The following ARB2A variants were observed in gnomAD, a reference collection of about 807,000 sequenced individuals.
ARB2A encodes cotranscriptional regulator ARB2A.
chr5:93,680,304 A>G, the ARB2A span, among the ~76,000 whole-genome samples: 2 of 152,134 alleles, frequency 1.3e-5, no homozygotes, highest in African/African-American at 4.8e-5. Context: ...AAATCACAAC[A>G]TCTAGTTAAT....
the ARB2A span, among the ~76,000 whole-genome samples, chr5:94,060,155 T>G: frequency 1.3e-5 from 2 of 152,048 alleles, no homozygotes; most frequent in Non-Finnish European, 2.9e-5. Flanking sequence ...GTTAGGAGTT[T>G]GAGACCAGCC....
At chr5:93,662,577 T>C in the ARB2A span, among the ~76,000 whole-genome samples, 3 of 152,332 alleles carry the variant, frequency 2.0e-5, no homozygotes, top group African/African-American at 7.2e-5. Context: ...TATACACACC[T>C]ACACACCTGT....
the ARB2A span, among the ~76,000 whole-genome samples, chr5:94,086,280 A>C: frequency 1.3e-5 from 2 of 152,354 alleles, no homozygotes; most frequent in South Asian, 4.1e-4. Context: ...AAAGAAATAC[A>C]GTCACACAAC....
At chr5:93,710,499 T>C in the ARB2A span, among the ~76,000 whole-genome samples, 17 of 152,310 alleles carry the variant, frequency 1.1e-4, no homozygotes, top group Non-Finnish European at 1.8e-4. Context: ...AAGTGATATT[T>C]GCTAACCATA....
the ARB2A span, among the ~76,000 whole-genome samples, chr5:94,094,454 T>C: frequency 6.6e-6 from 1 of 152,166 alleles, no homozygotes; most frequent in African/African-American, 2.4e-5. Context: ...TGCAATCATA[T>C]TGGGGTTAGG....
chr5:93,787,577 GA>G, the ARB2A span, among the ~76,000 whole-genome samples: 18 of 152,182 alleles, frequency 1.2e-4, no homozygotes, highest in East Asian at 3.3e-3. Context: ...GACAGTTTAA[GA>G]AACCAGTTAA....
chr5:93,743,666 CTTTTTTTT>C, the ARB2A span: 1 of 239,000 alleles, frequency 4.2e-6, no homozygotes, highest in African/African-American at 2.7e-5. Flanking sequence ...CAGCCATTTT[CTTTTTTTT>C]TTTTTTTTTT....
At chr5:93,646,056 T>G in the ARB2A span, among the ~76,000 whole-genome samples, 2 of 152,082 alleles carry the variant, frequency 1.3e-5, no homozygotes, top group East Asian at 1.9e-4. Context: ...GTAAAAAGAG[T>G]ATTCTATAAT....
chr5:94,056,650 G>A, the ARB2A span, among the ~76,000 whole-genome samples: 13 of 152,064 alleles, frequency 8.5e-5, no homozygotes, highest in South Asian at 2.1e-4. Flanking sequence ...CCTCAACTAA[G>A]CATATAAAAC....
the ARB2A span, among the ~76,000 whole-genome samples, chr5:93,973,438 A>T: frequency 1.4e-4 from 22 of 152,308 alleles, no homozygotes; most frequent in Middle Eastern, 6.8e-3. Flanking sequence ...GACCAAATCT[A>T]TGACTTACTG....
the ARB2A span, among the ~76,000 whole-genome samples, chr5:93,678,513 T>C: frequency 6.6e-6 from 1 of 152,170 alleles, no homozygotes; most frequent in African/African-American, 2.4e-5. Context: ...CCCAGCACTC[T>C]GGGAGCCCGA....
At chr5:93,861,271 G>A in the ARB2A span, 6 of 149,994 alleles carry the variant, frequency 4.0e-5, no homozygotes, top group African/African-American at 7.4e-5. Context: ...TTCTACACCC[G>A]GTTCCATTTA....
At chr5:93,756,769 G>A in the ARB2A span, among the ~76,000 whole-genome samples, 3 of 151,990 alleles carry the variant, frequency 2.0e-5, no homozygotes, top group South Asian at 4.2e-4. Context: ...CACCCAAATG[G>A]GAAGGAACCA....
chr5:93,807,363 C>T, the ARB2A span, among the ~76,000 whole-genome samples: 4 of 151,902 alleles, frequency 2.6e-5, no homozygotes, highest in Admixed American at 6.6e-5. Flanking sequence ...TTTTATGGTA[C>T]GAAATATATT....
chr5:94,054,437 C>T, the ARB2A span, among the ~76,000 whole-genome samples: 14 of 151,918 alleles, frequency 9.2e-5, no homozygotes, highest in South Asian at 2.1e-4. Context: ...AATTTGGGTT[C>T]GTCTAATGTT....
At chr5:93,689,209 G>T in the ARB2A span, among the ~76,000 whole-genome samples, 1 of 151,844 alleles carries the variant, frequency 6.6e-6, no homozygotes, top group South Asian at 2.1e-4. Context: ...AACAATTTCT[G>T]TGCCACCACC....
chr5:93,859,333 T>C, the ARB2A span, among the ~76,000 whole-genome samples: 3 of 151,816 alleles, frequency 2.0e-5, no homozygotes, highest in Non-Finnish European at 1.5e-5. Flanking sequence ...AAAAAGGAAA[T>C]TGGATTCATA....
chr5:93,890,608 TA>T, the ARB2A span, among the ~76,000 whole-genome samples: 2 of 151,928 alleles, frequency 1.3e-5, no homozygotes, highest in African/African-American at 4.8e-5. Context: ...AGATAGTTGT[TA>T]TGTGGAAGGG....
the ARB2A span, among the ~76,000 whole-genome samples, chr5:93,666,352 T>C: frequency 6.6e-6 from 1 of 152,214 alleles, no homozygotes; most frequent in South Asian, 2.1e-4. Flanking sequence ...GGATGATTTT[T>C]TAACAAAAGC....
Sources: gnomAD v4.1 joint callset for allele counts (sites outside exome capture counted in the v4.1 genomes callset) on GRCh38, gnomAD v4.1.1 for gene constraint, MANE v1.5 for transcripts, NCBI Gene and HGNC (gene_info 2026-07-23, HGNC 2026-07-21) for gene names.